The following HIGD1C variants were observed in gnomAD, a reference collection of about 807,000 sequenced individuals.
HIGD1C encodes the protein HIG1 domain family member 1C.
HIGD1C carries 11 observed loss-of-function variants against 13.1 expected under a neutral mutation model. The ratio of observed to expected loss-of-function variants is 0.84; its 90% CI spans 0.53 to 1.39. The LOEUF (loss-of-function observed/expected upper bound fraction) is 1.39, where lower values mean the gene tolerates loss of function less well. Ranked by LOEUF, HIGD1C falls within the 40% of genes most tolerant of loss-of-function variation. The probability of loss-of-function intolerance (pLI) is 0.00; values close to 1 mark genes in which losing one functional copy is unlikely to be tolerated. For missense variants in HIGD1C, 110 were observed against 112.0 expected, an observed-to-expected ratio of 0.98 and a Z score of 0.08; for synonymous variants, 36 against 37.7, an observed-to-expected ratio of 0.95 and a Z score of 0.17.
chr12:50,958,742 C>T (rs1027977184), intron 1 of HIGD1C, among the ~76,000 whole-genome samples: 2 of 151,792 alleles, frequency 1.3e-5, no homozygotes, highest in East Asian at 4.0e-4. Flanking sequence ...ATAGGCCGGG[C>T]ACAGTGGCTT....
chr12:50,933,365 C>G, the HIGD1C span, among the ~76,000 whole-genome samples: 2 of 152,252 alleles, frequency 1.3e-5, no homozygotes, highest in African/African-American at 4.8e-5. Flanking sequence ...TGTCCAATGT[C>G]TTTTAGGTCC....
At chr12:50,959,708 C>A (rs1418174948) in intron 1 of HIGD1C, among the ~76,000 whole-genome samples, 2 of 151,906 alleles carry the variant, frequency 1.3e-5, no homozygotes, top group Non-Finnish European at 2.9e-5. Context: ...AGTGCAGTAG[C>A]ATTATCTCAG....
At chr12:50,957,616 G>A (rs1162637386) in intron 1 of HIGD1C, among the ~76,000 whole-genome samples, 1 of 151,928 alleles carries the variant, frequency 6.6e-6, no homozygotes, top group East Asian at 2.0e-4. Flanking sequence ...CAGGCATGGT[G>A]GCTCACGCCT....
intron 1 of HIGD1C, among the ~76,000 whole-genome samples, chr12:50,959,193 C>A (rs565480625): frequency 7.2e-5 from 11 of 152,144 alleles, no homozygotes; most frequent in African/African-American, 2.6e-4. Context: ...AATCTCAGCT[C>A]ACTGCAACCT....
intron 1 of HIGD1C, 36 bp downstream of exon 3, chr12:50,954,128 A>G (rs1220042042): frequency 8.1e-7 from 1 of 1,231,608 alleles, no homozygotes; most frequent in Non-Finnish European, 1.2e-6. Context: ...AGAAAACTGT[A>G]ATAACACAAT....
upstream of HIGD1C, among the ~76,000 whole-genome samples, chr12:50,951,279 T>C (rs829017): frequency 0.48 from 72,258 of 151,928 alleles, 18,190 homozygotes; most frequent in South Asian, 0.65. Flanking sequence ...ATTTCCCAAC[T>C]TTGTGTTCCG....
chr12:50,936,799 C>G, the HIGD1C span, among the ~76,000 whole-genome samples: 9 of 152,200 alleles, frequency 5.9e-5, no homozygotes, highest in Non-Finnish European at 1.2e-4. Flanking sequence ...TTTGCCAATC[C>G]TTTGATATTT....
At chr12:50,950,670 ATTTTTTTTTTT>A (rs57553489), upstream of HIGD1C, among the ~76,000 whole-genome samples, 2 of 87,672 alleles carry the variant, frequency 2.3e-5, no homozygotes, top group Admixed American at 1.4e-4. Flanking sequence ...TGCCCAGCTA[ATTTTTTTTTTT>A]TTTTTTTTTT....
intron 2 of HIGD1C, among the ~76,000 whole-genome samples, chr12:50,969,695 T>C (rs1370587405): frequency 7.1e-6 from 1 of 140,600 alleles, no homozygotes; most frequent in Non-Finnish European, 1.5e-5. Context: ...AGAGCAAGAC[T>C]CCATCTCAAA....
At chr12:50,951,729 G>A (rs565566490), upstream of HIGD1C, among the ~76,000 whole-genome samples, 15 of 151,966 alleles carry the variant, frequency 9.9e-5, 1 homozygote, top group South Asian at 2.1e-3. Flanking sequence ...AGACCAGCCC[G>A]ACCAACATTG....
chr12:50,967,471 C>G (rs1939584194), intron 2 of HIGD1C, among the ~76,000 whole-genome samples: 1 of 152,010 alleles, frequency 6.6e-6, no homozygotes, highest in Admixed American at 6.6e-5. Flanking sequence ...AAATGAGGGT[C>G]TCACTTCATT....
the HIGD1C span, among the ~76,000 whole-genome samples, chr12:50,941,426 A>G: frequency 6.6e-6 from 1 of 152,178 alleles, no homozygotes; most frequent in African/African-American, 2.4e-5. Context: ...AAATTCTATA[A>G]ACATTGGCCT....
the HIGD1C span, among the ~76,000 whole-genome samples, chr12:50,935,880 G>A: frequency 1.2e-4 from 19 of 152,202 alleles, no homozygotes; most frequent in Admixed American, 4.6e-4. Flanking sequence ...TGACACTGCC[G>A]GGCACAGTGG....
intron 1 of HIGD1C, among the ~76,000 whole-genome samples, chr12:50,957,815 G>A (rs921473227): frequency 1.3e-5 from 2 of 151,992 alleles, no homozygotes; most frequent in Non-Finnish European, 2.9e-5. Context: ...AACCCTGGAG[G>A]TGGGGGTTGC....
At chr12:50,958,920 G>C (rs1157357945) in intron 1 of HIGD1C, among the ~76,000 whole-genome samples, 2 of 151,594 alleles carry the variant, frequency 1.3e-5, no homozygotes, top group East Asian at 2.0e-4. Context: ...GGGAGGCTGA[G>C]GCACGAGAAT....
Position 50,960,962 on chromosome 12 carries a change from T to C in HIGD1C, c.95-6T>C. 6.4e-7 allele frequency: 1 copy of C among 1,562,870 alleles called. No homozygotes were observed. Among genetic ancestry groups the C allele is most frequent in the South Asian group, 1.2e-5 (1 of 84,358 alleles). ...TCCAAATAACCCATACTTTTAAAAT[T>C]CACAGGTATAGCAGGCTTTGTGACT... On this transcript the variant is annotated splice_region_variant and splice_polypyrimidine_tract_variant and intron_variant, in intron 1 of 2. Coordinates refer to ENST00000398455, the Ensembl canonical transcript of HIGD1C.
chr12:50,937,608 C>T, the HIGD1C span, among the ~76,000 whole-genome samples: 8 of 152,028 alleles, frequency 5.3e-5, no homozygotes, highest in East Asian at 1.9e-4. Flanking sequence ...CACCATTCGG[C>T]GGGTCCCTCG....
chr12:50,948,446 T>G, the HIGD1C span, among the ~76,000 whole-genome samples: 1 of 152,202 alleles, frequency 6.6e-6, no homozygotes, highest in South Asian at 2.1e-4. Context: ...TTCTGTAGAT[T>G]GCTGGTGGGA....
At chr12:50,957,568 A>G (rs1027235937) in intron 1 of HIGD1C, among the ~76,000 whole-genome samples, 1 of 151,904 alleles carries the variant, frequency 6.6e-6, no homozygotes, top group African/African-American at 2.4e-5. Context: ...TACTAACAAG[A>G]AGCATCTGGA....
Sources: gnomAD v4.1 joint callset for allele counts (sites outside exome capture counted in the v4.1 genomes callset) on GRCh38, gnomAD v4.1.1 for gene constraint, MANE v1.5 for transcripts, NCBI Gene and HGNC (gene_info 2026-07-23, HGNC 2026-07-21) for gene names.